The following DNAH9 variants were observed in gnomAD, a reference collection of about 807,000 sequenced individuals.
DNAH9 encodes dynein axonemal heavy chain 9, also known as DNAH9 variant protein.
Under a neutral mutation model 471.6 loss-of-function variants are expected in DNAH9, and 345 were observed. The ratio of observed to expected loss-of-function variants is 0.73; its 90% CI spans 0.67 to 0.80. The LOEUF (loss-of-function observed/expected upper bound fraction) is 0.80, where lower values mean the gene tolerates loss of function less well. Ranked by LOEUF, DNAH9 falls within the 30% of genes least tolerant of loss-of-function variation. The pLI is 0.00. For synonymous variants in DNAH9, 2,093 were observed against 2,123.6 expected, an observed-to-expected ratio of 0.99 and a Z score of 0.40; for missense variants, 5,407 against 5,609.2, an observed-to-expected ratio of 0.96 and a Z score of 1.15.
At chr17:11,947,348 T>G (rs567882824) in intron 67 of DNAH9, among the ~76,000 whole-genome samples, 1 of 152,212 alleles carries the variant, frequency 6.6e-6, no homozygotes, top group African/African-American at 2.4e-5. Flanking sequence ...GACAACAGAC[T>G]GCCCAGAAAT....
chr17:11,807,243 C>T (rs933091695), intron 43 of DNAH9, among the ~76,000 whole-genome samples: 1 of 152,198 alleles, frequency 6.6e-6, no homozygotes, highest in Non-Finnish European at 1.5e-5. Context: ...CTCCTGCTGA[C>T]TTTGGTTTGG....
chr17:11,884,325 G>C (rs761205552), intron 56 of DNAH9: 1 of 250,316 alleles, frequency 4.0e-6, no homozygotes, highest in Non-Finnish European at 8.1e-6. Context: ...GGTCCCCCCT[G>C]TGAGGACTAG....
intron 48 of DNAH9, among the ~76,000 whole-genome samples, chr17:11,830,505 T>C (rs1051088544): frequency 7.9e-5 from 12 of 152,166 alleles, no homozygotes; most frequent in Admixed American, 7.9e-4. Flanking sequence ...TAATTCATGA[T>C]GATGTACTAG....
At chr17:11,887,020 C>A (rs1314010531) in intron 57 of DNAH9, 55 bp downstream of exon 57, 3 of 1,544,908 alleles carry the variant, frequency 1.9e-6, no homozygotes, top group African/African-American at 1.4e-5. Context: ...GTAATATTGC[C>A]AATGCAGCTC....
intron 49 of DNAH9, among the ~76,000 whole-genome samples, chr17:11,836,974 A>G (rs1416708859): frequency 6.6e-6 from 1 of 152,184 alleles, no homozygotes; most frequent in African/African-American, 2.4e-5. Flanking sequence ...CATCTGTGAA[A>G]TGGAAGCAAT....
chr17:11,655,676 C>T (rs62060821), intron 14 of DNAH9, among the ~76,000 whole-genome samples: 50,545 of 150,114 alleles, frequency 0.34, 8,690 homozygotes, highest in Middle Eastern at 0.42. Context: ...TGGAATGCTA[C>T]TCAGCCATGA....
intron 15 of DNAH9, among the ~76,000 whole-genome samples, chr17:11,666,339 A>G (rs773146808): frequency 1.6e-4 from 24 of 152,226 alleles, no homozygotes; most frequent in Admixed American, 4.6e-4. Context: ...TCCTTGACCA[A>G]TGGCTCTCTG....
chr17:11,855,865 A>G (rs1369180519), intron 50 of DNAH9, among the ~76,000 whole-genome samples: 1 of 152,182 alleles, frequency 6.6e-6, no homozygotes, highest in Non-Finnish European at 1.5e-5. Context: ...TGATCGTGTG[A>G]CCTTTAGAAA....
intron 38 of DNAH9, among the ~76,000 whole-genome samples, chr17:11,770,059 C>T (rs1968139859): frequency 6.6e-6 from 1 of 152,238 alleles, no homozygotes; most frequent in Admixed American, 6.5e-5. Context: ...CACCGACAGC[C>T]TTGTCCCACT....
chr17:11,781,247 T>G, intron 39 of DNAH9, 73 bp downstream of exon 39: 1 of 1,508,526 alleles, frequency 6.6e-7, no homozygotes, highest in Non-Finnish European at 8.9e-7. Context: ...CAGTCTCTAT[T>G]CTGCCTGAAC....
intron 48 of DNAH9, among the ~76,000 whole-genome samples, chr17:11,830,188 G>A (rs914513066): frequency 6.6e-5 from 10 of 152,186 alleles, no homozygotes; most frequent in African/African-American, 9.7e-5. Flanking sequence ...CTCACAGCTG[G>A]TGTCATTGCT....
At chr17:11,949,378 A>G (rs1015589077) in intron 67 of DNAH9, among the ~76,000 whole-genome samples, 1 of 152,170 alleles carries the variant, frequency 6.6e-6, no homozygotes, top group Admixed American at 6.5e-5. Flanking sequence ...CCTGTGAGCA[A>G]GTGTGAATAT....
intron 61 of DNAH9, among the ~76,000 whole-genome samples, chr17:11,908,736 A>C (rs1466506411): frequency 1.3e-5 from 2 of 152,278 alleles, no homozygotes; most frequent in Admixed American, 6.5e-5. Flanking sequence ...CAAGGGGAGC[A>C]ATGTGGACAA....
intron 59 of DNAH9, among the ~76,000 whole-genome samples, chr17:11,899,875 A>T (rs1157219507): frequency 6.6e-6 from 1 of 152,134 alleles, no homozygotes; most frequent in Non-Finnish European, 1.5e-5. Flanking sequence ...AGTGCCAGGC[A>T]CCCTGCTAGG....
intron 45 of DNAH9, among the ~76,000 whole-genome samples, chr17:11,819,838 A>G (rs1970248225): frequency 6.6e-6 from 1 of 152,224 alleles, no homozygotes; most frequent in African/African-American, 2.4e-5. Context: ...AATAAAACAA[A>G]CAACTTGTGA....
chr17:11,671,829 G>A (rs986620943), intron 17 of DNAH9, among the ~76,000 whole-genome samples: 1 of 152,140 alleles, frequency 6.6e-6, no homozygotes, highest in Non-Finnish European at 1.5e-5. Context: ...GATCTAATGG[G>A]GTTGGTTTAA....
intron 62 of DNAH9, among the ~76,000 whole-genome samples, chr17:11,927,736 C>T (rs962121335): frequency 6.6e-6 from 1 of 152,172 alleles, no homozygotes; most frequent in Non-Finnish European, 1.5e-5. Flanking sequence ...ACAGTCTTCC[C>T]GCTCTTCCTT....
At position 11,669,263 on chromosome 17, in the gene DNAH9, A is replaced by C; in HGVS notation, c.2928+3A>C. ...AAAATGGCTCTCCTCACTATCAGGTACTGGAGCTGCAGCCATCCTGCCCTC... is the reference window on the plus strand; with the variant it reads ...AAAATGGCTCTCCTCACTATCAGGTCCTGGAGCTGCAGCCATCCTGCCCTC... On this transcript the variant is annotated splice_donor_region_variant and intron_variant, in intron 16 of 68. Coordinates refer to ENST00000262442, the MANE Select transcript of DNAH9 (RefSeq NM_001372.4). The C allele has an allele frequency of 3.1e-6, 5 of 1,611,258 alleles. No homozygotes were observed. Among genetic ancestry groups the C allele is most frequent in the Non-Finnish European group, 3.4e-6 (4 of 1,178,174 alleles).
At chr17:11,679,056 T>C (rs116790121) in intron 17 of DNAH9, among the ~76,000 whole-genome samples, 1,591 of 152,332 alleles carry the variant, frequency 0.01, 29 homozygotes, top group African/African-American at 0.035. Flanking sequence ...AGTTATTGTA[T>C]AATTTTGCTT....
Sources: gnomAD v4.1 joint callset for allele counts (sites outside exome capture counted in the v4.1 genomes callset) on GRCh38, gnomAD v4.1.1 for gene constraint, MANE v1.5 for transcripts, NCBI Gene and HGNC (gene_info 2026-07-23, HGNC 2026-07-21) for gene names.